Variants in NFKB1 observed in about 807,000 individuals in gnomAD.
NFKB1 encodes the protein nuclear factor NF-kappa-B p105 subunit.
In NFKB1, 9 loss-of-function variants were observed where a neutral mutation model predicts 105.1. The observed-to-expected ratio is 0.09, with a 90% CI of 0.05 to 0.15. The LOEUF is 0.15. Among genes scored for constraint, NFKB1 ranks in the 10% least tolerant of loss-of-function variants. NFKB1 has a pLI of 1.00. For missense variants in NFKB1, 830 were observed against 1,203.7 expected (o/e 0.69, Z 4.59); for synonymous variants, 440 against 442.2 (o/e 1.00, Z 0.06).
rs541831749 is a variant in NFKB1, at chr4:102,505,306, A to C, written c.-8+3518A>C. ...ATCTCAGAAGATAGATTATGGATGAAAATATTTGTTTAATTTAGAGTACTA... is the reference window on the plus strand; with the variant it reads ...ATCTCAGAAGATAGATTATGGATGACAATATTTGTTTAATTTAGAGTACTA... On this transcript the variant is annotated intron_variant, in intron 1 of 23. Transcript: ENST00000226574. Among the ~76,000 whole-genome samples, 12 of 152,364 alleles carry C rather than the reference A, an allele frequency of 7.9e-5. No individual in the cohort carries two copies. The South Asian group carries it at 2.5e-3, about 32-fold the overall frequency.
At chr4:102,595,972 A>G (rs957540482) in intron 13 of NFKB1, among the ~76,000 whole-genome samples, 166 bp from the exon 14 acceptor site, 2 of 152,246 alleles carry the variant, frequency 1.3e-5, no homozygotes, top group East Asian at 1.9e-4. Context: ...TCTCCAAAAC[A>G]TGGTATTTAT....
At chr4:102,616,123 G>A (rs1174113117) in intron 23 of NFKB1, among the ~76,000 whole-genome samples, 1 of 152,156 alleles carries the variant, frequency 6.6e-6, no homozygotes, top group African/African-American at 2.4e-5. Context: ...AACTACACTT[G>A]ATTTCTAAGG....
intron 5 of NFKB1, among the ~76,000 whole-genome samples, chr4:102,540,359 C>T (rs1305164974): frequency 2.6e-5 from 4 of 152,124 alleles, no homozygotes; most frequent in Non-Finnish European, 5.9e-5. Flanking sequence ...TACTCAAAAA[C>T]ATATTGCTGC....
At chr4:102,614,120 T>TC (rs1728709683) in intron 23 of NFKB1, among the ~76,000 whole-genome samples, 1 of 152,054 alleles carries the variant, frequency 6.6e-6, no homozygotes, top group Non-Finnish European at 1.5e-5. Flanking sequence ...ACTCCTTCCC[T>TC]CCCCTTACTC....
chr4:102,598,431 C>T (rs1256794960), intron 15 of NFKB1, among the ~76,000 whole-genome samples: 2 of 152,156 alleles, frequency 1.3e-5, no homozygotes. Flanking sequence ...AAATCCTTTT[C>T]TGTGGAAGAG....
chr4:102,616,423 T>C lies in NFKB1; in HGVS notation c.2750-11T>C, dbSNP rs1405598002. Reference sequence around the variant, plus strand: ...CCATTCCCCCAGTGAATTTGTGCTTTCTCCCCTCAGACGAGCTCCGAGACA... The same window carrying C: ...CCATTCCCCCAGTGAATTTGTGCTTCCTCCCCTCAGACGAGCTCCGAGACA... On this transcript the variant is annotated splice_polypyrimidine_tract_variant and intron_variant, in intron 23 of 23. Coordinates refer to ENST00000226574, the MANE Select transcript of NFKB1 (RefSeq NM_003998.4). The C allele has an allele frequency of 6.2e-7, 1 of 1,612,960 alleles. No individual in the cohort carries two copies. Among genetic ancestry groups the C allele is most frequent in the African/African-American group, 1.3e-5 (1 of 74,854 alleles).
intron 1 of NFKB1, among the ~76,000 whole-genome samples, chr4:102,505,882 T>A (rs981205802): frequency 2.6e-5 from 4 of 152,176 alleles, no homozygotes; most frequent in Admixed American, 2.6e-4. Context: ...GCAAAATTTT[T>A]TTTTAAATGG....
intron 6 of NFKB1, among the ~76,000 whole-genome samples, chr4:102,567,889 T>A (rs1298632003): frequency 1.3e-5 from 2 of 152,190 alleles, no homozygotes; most frequent in African/African-American, 4.8e-5. Context: ...TAGCACACAA[T>A]ACAAACTGAT....
At chr4:102,580,457 G>T (rs994422678) in intron 8 of NFKB1, 78 bp from the exon 9 acceptor site, 21 of 1,133,630 alleles carry the variant, frequency 1.9e-5, no homozygotes, top group Middle Eastern at 1.9e-4. Context: ...GTGTGCTAAG[G>T]GGAGGGTCCT....
intron 5 of NFKB1, 50 bp from the exon 6 acceptor site, chr4:102,566,937 G>C (rs757201231): frequency 6.3e-7 from 1 of 1,595,970 alleles, no homozygotes; most frequent in Non-Finnish European, 8.6e-7. Flanking sequence ...ATGTTTCCAT[G>C]TTGCTGGAGA....
intron 1 of NFKB1, among the ~76,000 whole-genome samples, chr4:102,516,692 T>C (rs1357034647): frequency 6.6e-6 from 1 of 152,210 alleles, no homozygotes; most frequent in Non-Finnish European, 1.5e-5. Flanking sequence ...ATTTTTGTCA[T>C]TTGTGTCATT....
At chr4:102,554,015 G>A (rs1435319002) in intron 5 of NFKB1, among the ~76,000 whole-genome samples, 1 of 152,100 alleles carries the variant, frequency 6.6e-6, no homozygotes, top group Admixed American at 6.6e-5. Flanking sequence ...ATTCTGTGAT[G>A]GTAAACTTTT....
chr4:102,599,516 G>A (rs368555750), intron 15 of NFKB1, among the ~76,000 whole-genome samples: 9 of 152,298 alleles, frequency 5.9e-5, no homozygotes, highest in African/African-American at 2.2e-4. Context: ...AGATGCTTTA[G>A]TGTGCTCTGC....
intron 2 of NFKB1, 60 bp downstream of exon 2, chr4:102,525,617 C>G: frequency 1.4e-6 from 2 of 1,419,872 alleles, no homozygotes; most frequent in South Asian, 1.3e-5. Context: ...CAAAAATATG[C>G]AAAGGCAACA....
intron 9 of NFKB1, among the ~76,000 whole-genome samples, chr4:102,581,854 G>A (rs911831402): frequency 6.6e-6 from 1 of 152,122 alleles, no homozygotes; most frequent in Non-Finnish European, 1.5e-5. Context: ...CTTGTACTTG[G>A]CTTAAAGAAT....
intron 15 of NFKB1, among the ~76,000 whole-genome samples, chr4:102,600,053 C>A (rs558025764): frequency 6.6e-6 from 1 of 152,274 alleles, no homozygotes; most frequent in East Asian, 1.9e-4. Context: ...TCAGACAGAA[C>A]CTGCCCCAGA....
At chr4:102,566,864 A>G (rs999510134) in intron 5 of NFKB1, 123 bp from the exon 6 acceptor site, 1 of 897,156 alleles carries the variant, frequency 1.1e-6, no homozygotes, top group Non-Finnish European at 1.7e-6. Context: ...GGCTGTAATC[A>G]TGTATATACA....
At chr4:102,518,361 T>C (rs1346292702) in intron 1 of NFKB1, among the ~76,000 whole-genome samples, 1 of 152,176 alleles carries the variant, frequency 6.6e-6, no homozygotes, top group Non-Finnish European at 1.5e-5. Context: ...GCTACTATAC[T>C]TGCCTCTTTT....
At chr4:102,572,758 A>G (rs1724488331) in intron 6 of NFKB1, among the ~76,000 whole-genome samples, 1 of 152,178 alleles carries the variant, frequency 6.6e-6, no homozygotes, top group African/African-American at 2.4e-5. Context: ...AGTATCTAAA[A>G]CAGTCACTTA....
Sources: gnomAD v4.1 joint callset for allele counts (sites outside exome capture counted in the v4.1 genomes callset) on GRCh38, gnomAD v4.1.1 for gene constraint, MANE v1.5 for transcripts, NCBI Gene and HGNC (gene_info 2026-07-23, HGNC 2026-07-21) for gene names.